GRM8: variants seen among roughly 807,000 people sequenced by gnomAD.
GRM8 encodes glutamate metabotropic receptor 8.
Under a neutral mutation model 87.2 loss-of-function variants are expected in GRM8, and 47 were observed. The ratio of observed to expected loss-of-function variants is 0.54; its 90% CI spans 0.43 to 0.69. The LOEUF (loss-of-function observed/expected upper bound fraction) is 0.69. GRM8 is among the 30% of genes least tolerant of loss of function. The pLI is 0.00. For synonymous variants in GRM8, 396 were observed against 404.5 expected (o/e 0.98, Z 0.25); for missense variants, 1,019 against 1,139.2 (o/e 0.89, Z 1.52).
intron 6 of GRM8, among the ~76,000 whole-genome samples, chr7:126,785,762 G>A (rs1454409573): frequency 2.0e-5 from 3 of 151,988 alleles, no homozygotes; most frequent in East Asian, 1.9e-4. Flanking sequence ...AAACTAGAAG[G>A]AGCCTAGGTC....
intron 9 of GRM8, among the ~76,000 whole-genome samples, chr7:126,481,822 T>C (rs1228992160): frequency 6.6e-6 from 1 of 152,094 alleles, no homozygotes; most frequent in Non-Finnish European, 1.5e-5. Context: ...TTTGTTTTGA[T>C]CATTTTACTT....
chr7:126,946,321 G>A (rs1215081755), intron 3 of GRM8, among the ~76,000 whole-genome samples: 1 of 152,064 alleles, frequency 6.6e-6, no homozygotes, highest in Admixed American at 6.6e-5. Context: ...GAGCAACATA[G>A]TGAGACCCCC....
At chr7:126,704,251 A>T (rs1810249182) in intron 7 of GRM8, among the ~76,000 whole-genome samples, 1 of 152,150 alleles carries the variant, frequency 6.6e-6, no homozygotes, top group Admixed American at 6.5e-5. Flanking sequence ...CTCTAAACAT[A>T]AATTGTGAAG....
chr7:126,600,933 ATT>A (rs34047308), intron 8 of GRM8, among the ~76,000 whole-genome samples: 8 of 151,080 alleles, frequency 5.3e-5, no homozygotes, highest in African/African-American at 1.9e-4. Context: ...CTAGAGTGGC[ATT>A]TTTTTTTTAT....
chr7:126,899,017 TA>T lies in GRM8; in HGVS notation c.1156+3524del, dbSNP rs376097799. ...ATTGTTCAACTCCCACTTACGAGTGTAAAAAAAAAAAAAGAAAGAAAATATG... is the reference window on the plus strand; with the variant it reads ...ATTGTTCAACTCCCACTTACGAGTGTAAAAAAAAAAAAGAAAGAAAATATG... On this transcript the variant is annotated intron_variant, in intron 6 of 10. Transcript: ENST00000339582. Among the ~76,000 whole-genome samples, 1,336 of 135,838 alleles carry T rather than the reference TA, an allele frequency of 9.8e-3. 17 individuals carry two copies. The highest frequency in any genetic ancestry group is 0.033 in the African/African-American group (1,207 of 36,030). The allele number at this position is 135,838 out of a possible 152,430, so 89.1% of individuals were successfully genotyped here.
At chr7:126,712,280 C>T (rs1436847050) in intron 7 of GRM8, among the ~76,000 whole-genome samples, 4 of 152,118 alleles carry the variant, frequency 2.6e-5, no homozygotes, top group Admixed American at 2.6e-4. Flanking sequence ...AGTCAGAACA[C>T]ACACAAAATT....
chr7:126,761,069 G>A (rs1007260392), intron 7 of GRM8, among the ~76,000 whole-genome samples: 1 of 152,106 alleles, frequency 6.6e-6, no homozygotes, highest in African/African-American at 2.4e-5. Flanking sequence ...TTGGCGGCAT[G>A]CACCTGTAGT....
At chr7:126,723,522 AG>A in intron 7 of GRM8, among the ~76,000 whole-genome samples, 1 of 151,318 alleles carries the variant, frequency 6.6e-6, no homozygotes, top group East Asian at 2.0e-4. Context: ...CAATGGCTCA[AG>A]AATTTGTAAT....
At chr7:126,873,269 C>T (rs149689909) in intron 6 of GRM8, among the ~76,000 whole-genome samples, 122 of 152,074 alleles carry the variant, frequency 8.0e-4, no homozygotes, top group African/African-American at 2.8e-3. Context: ...TTTTCTATTC[C>T]GAACATGACC....
chr7:127,220,401 A>G (rs1334745445), intron 2 of GRM8, among the ~76,000 whole-genome samples: 1 of 152,204 alleles, frequency 6.6e-6, no homozygotes, highest in East Asian at 1.9e-4. Flanking sequence ...CCTTCCATCT[A>G]ATGAAGAATG....
intron 6 of GRM8, among the ~76,000 whole-genome samples, chr7:126,806,755 G>A (rs951459561): frequency 1.3e-5 from 2 of 152,198 alleles, no homozygotes; most frequent in South Asian, 4.1e-4. Context: ...GAGGGAGCTC[G>A]CCCCCCAGTC....
At chr7:126,442,355 TA>T (rs1801564157) in intron 10 of GRM8, among the ~76,000 whole-genome samples, 1 of 152,114 alleles carries the variant, frequency 6.6e-6, no homozygotes, top group Non-Finnish European at 1.5e-5. Context: ...ATTTTTAATT[TA>T]TATAATACTC....
At chr7:126,690,567 G>A (rs554127265) in intron 7 of GRM8, among the ~76,000 whole-genome samples, 10 of 152,284 alleles carry the variant, frequency 6.6e-5, no homozygotes, top group Admixed American at 4.6e-4. Flanking sequence ...CCAAAGGGCC[G>A]CAGCTCTTCT....
chr7:127,138,959 T>A (rs1232268679), intron 2 of GRM8, among the ~76,000 whole-genome samples: 3 of 152,172 alleles, frequency 2.0e-5, no homozygotes, highest in Non-Finnish European at 4.4e-5. Flanking sequence ...CATATATTAT[T>A]TAATCCTCAC....
chr7:126,831,937 A>G (rs1040413730), intron 6 of GRM8, among the ~76,000 whole-genome samples: 2 of 152,204 alleles, frequency 1.3e-5, no homozygotes, highest in African/African-American at 4.8e-5. Context: ...TTTCATTTTA[A>G]GAGTTTAAAT....
At chr7:126,952,568 C>T (rs1289212361) in intron 3 of GRM8, among the ~76,000 whole-genome samples, 1 of 151,958 alleles carries the variant, frequency 6.6e-6, no homozygotes, top group African/African-American at 2.4e-5. Flanking sequence ...GTGGAGAACC[C>T]AGCAGAAACC....
intron 1 of GRM8, among the ~76,000 whole-genome samples, chr7:127,251,937 G>C (rs550792236): frequency 7.0e-4 from 106 of 152,292 alleles, no homozygotes; most frequent in Middle Eastern, 3.4e-3. Context: ...ACTCGAGGCA[G>C]AGCGTGCGCC....
At chr7:126,470,022 G>C (rs1486280492) in intron 9 of GRM8, among the ~76,000 whole-genome samples, 3 of 152,060 alleles carry the variant, frequency 2.0e-5, no homozygotes, top group African/African-American at 7.2e-5. Context: ...TCCAGGCTGA[G>C]GTAGTCTCAG....
chr7:126,742,659 C>T (rs1015131676), intron 7 of GRM8, among the ~76,000 whole-genome samples: 2 of 151,886 alleles, frequency 1.3e-5, no homozygotes, highest in African/African-American at 4.8e-5. Flanking sequence ...AAGTCCCCAT[C>T]CAGCAAAATC....
Sources: allele counts gnomAD v4.1 joint callset (sites outside exome capture counted in the v4.1 genomes callset), GRCh38; gene constraint gnomAD v4.1.1; transcripts MANE v1.5; gene names NCBI Gene and HGNC (gene_info 2026-07-23, HGNC 2026-07-21).